The following SOCS5 variants were observed in gnomAD, a reference collection of about 807,000 sequenced individuals.
The protein encoded by SOCS5 is CIS-6.
Under a neutral mutation model 42.8 loss-of-function variants are expected in SOCS5, and 32 were observed. The observed-to-expected ratio is 0.75, with a 90% CI of 0.56 to 1.01. The LOEUF is 1.01. Among genes scored for constraint, SOCS5 ranks in the 50% least tolerant of loss-of-function variants. SOCS5 has a pLI of 0.00. For missense variants in SOCS5, 627 were observed against 653.0 expected (o/e 0.96, Z 0.43); for synonymous variants, 283 against 229.6 (o/e 1.23, Z -2.10).
At chr2:46,712,006 C>G (rs997372208) in intron 1 of SOCS5, among the ~76,000 whole-genome samples, 1 of 152,144 alleles carries the variant, frequency 6.6e-6, no homozygotes, top group South Asian at 2.1e-4. Flanking sequence ...GGTAATAGAA[C>G]TTCTCCAGTT....
chr2:46,760,266 C>G lies in SOCS5; in HGVS notation c.*125C>G. 1 of 673,014 alleles carries G rather than the reference C, an allele frequency of 1.5e-6. No homozygotes were observed. Among genetic ancestry groups the G allele is most frequent in the Non-Finnish European group, 2.6e-6 (1 of 387,186 alleles). The allele number at this position is 673,014 out of a possible 1,614,324, so 41.7% of individuals were successfully genotyped here. On this transcript the variant is annotated 3_prime_UTR_variant, in exon 2 of 2. Transcript: ENST00000394861. ...CAGTATGTAAGCTTAGTGTTAGTAT[C>G]TGTCAGATGCTACCTGCTGTTACTT...
At chr2:46,751,782 TAGTAC>T (rs1177499023) in intron 1 of SOCS5, among the ~76,000 whole-genome samples, 10 of 151,992 alleles carry the variant, frequency 6.6e-5, no homozygotes, top group African/African-American at 2.4e-4. Flanking sequence ...ATGTTTTATG[TAGTAC>T]ATCAGGGGTT....
chr2:46,742,116 TTTTAA>T (rs1227706708), intron 1 of SOCS5, among the ~76,000 whole-genome samples: 1 of 152,326 alleles, frequency 6.6e-6, no homozygotes, highest in African/African-American at 2.4e-5. Flanking sequence ...TTGTATCACA[TTTTAA>T]TTTGGATGTC....
chr2:46,724,862 G>A (rs182130149), intron 1 of SOCS5, among the ~76,000 whole-genome samples: 14 of 151,956 alleles, frequency 9.2e-5, no homozygotes, highest in African/African-American at 2.7e-4. Context: ...AGAATGTTTT[G>A]TAGATGTCAA....
chr2:46,728,635 G>A (rs937657652), intron 1 of SOCS5, among the ~76,000 whole-genome samples: 7 of 151,922 alleles, frequency 4.6e-5, no homozygotes, highest in Non-Finnish European at 8.8e-5. Context: ...CAGTCACTGC[G>A]ACCTCCACCT....
chr2:46,749,818 G>C (rs1673585894), intron 1 of SOCS5, among the ~76,000 whole-genome samples: 1 of 152,158 alleles, frequency 6.6e-6, no homozygotes, highest in Non-Finnish European at 1.5e-5. Context: ...GGAAGTTGGA[G>C]TCATGGATAG....
intron 1 of SOCS5, among the ~76,000 whole-genome samples, chr2:46,729,135 T>C (rs1673057960): frequency 6.6e-6 from 1 of 152,220 alleles, no homozygotes; most frequent in Non-Finnish European, 1.5e-5. Context: ...TTTAGTTTCT[T>C]AGCAAAACCT....
rs1020530762 is a variant in SOCS5, at chr2:46,761,789, CATAATT to C, written c.*1652_*1657del. 1.2e-5 allele frequency: 2 copies of C among 166,478 alleles called. No individual in the cohort carries two copies. Among genetic ancestry groups the C allele is most frequent in the African/African-American group, 2.4e-5 (1 of 41,434 alleles). 10.3% of individuals were successfully genotyped at this position (166,478 alleles called of 1,614,324 possible). A position where few individuals can be genotyped will look rare whatever the true frequency, so the allele number is the denominator to read the frequency against. ...ATTTAATGCTCTACATCTTATCAGT[CATAATT>C]ATATATACTGTGGAACAGTATCTGT... On this transcript the variant is annotated 3_prime_UTR_variant, in exon 2 of 2. Coordinates refer to ENST00000394861, the MANE Select transcript of SOCS5 (RefSeq NM_144949.3).
rs1435667877 is a variant in SOCS5, at chr2:46,757,911, T to G, written c.-12-608T>G. Among the ~76,000 whole-genome samples the G allele has an allele frequency of 2.6e-5, 4 of 152,298 alleles. No individual in the cohort carries two copies. In the East Asian group the frequency reaches 5.8e-4, roughly 22 times the overall value. On this transcript the variant is annotated intron_variant, in intron 1 of 1. Transcript: ENST00000394861. ...AAAGACACCTTTCCTAAATATTACA[T>G]TCTTTTTCTTTCTTTTCTACTCAAA...
chr2:46,701,293 G>C (rs914376591), intron 1 of SOCS5, among the ~76,000 whole-genome samples: 4 of 152,210 alleles, frequency 2.6e-5, no homozygotes, highest in Non-Finnish European at 5.9e-5. Flanking sequence ...GGAAAAGTAA[G>C]ACTCACTGGC....
intron 1 of SOCS5, among the ~76,000 whole-genome samples, chr2:46,739,968 T>A (rs1572842215): frequency 6.6e-6 from 1 of 152,272 alleles, no homozygotes; most frequent in Non-Finnish European, 1.5e-5. Flanking sequence ...CTCAGAGAAC[T>A]AAGGTATTAA....
At position 46,759,411 on chromosome 2, in the gene SOCS5, A is replaced by G. The variant is rs1673808056; in HGVS notation, c.881A>G (p.Asn294Ser). 7 of 1,613,990 alleles carry G rather than the reference A, an allele frequency of 4.3e-6. No homozygotes were observed. Among genetic ancestry groups the G allele is most frequent in the Non-Finnish European group, 4.2e-6 (5 of 1,179,860 alleles). Residue 294 changes from asparagine (N) to serine (S), a missense_variant, in exon 2 of 2, where the codon AAT becomes AGT. Around this residue, in one of 3 missense-constraint regions of SOCS5, gnomAD observed 340 missense variants for 367.6 expected, o/e 0.92. Coordinates refer to ENST00000394861, the MANE Select transcript of SOCS5 (RefSeq NM_144949.3). ...ACATTTGAAGCTACTGCACAGGTTA[A>G]TCCATTATATAAACTGGGACCAAAA... Reference protein sequence around the residue: ...IHTFEATAQVNPLYKLGPKLA... With the variant: ...IHTFEATAQVSPLYKLGPKLA...
At chr2:46,711,829 C>T (rs1443571190) in intron 1 of SOCS5, among the ~76,000 whole-genome samples, 1 of 152,124 alleles carries the variant, frequency 6.6e-6, no homozygotes, top group Admixed American at 6.5e-5. Flanking sequence ...GCTAATTGTT[C>T]CAACACAGTA....
intron 1 of SOCS5, among the ~76,000 whole-genome samples, chr2:46,740,952 CAT>C (rs1673360929): frequency 6.6e-6 from 1 of 152,126 alleles, no homozygotes; most frequent in Admixed American, 6.5e-5. Context: ...AGAAGAGACT[CAT>C]AAATGAGTTG....
chr2:46,710,651 T>C (rs1463732485), intron 1 of SOCS5, among the ~76,000 whole-genome samples: 2 of 152,170 alleles, frequency 1.3e-5, no homozygotes, highest in Non-Finnish European at 2.9e-5. Context: ...AACCTATAGC[T>C]AACATCATAT....
intron 1 of SOCS5, among the ~76,000 whole-genome samples, chr2:46,708,604 A>G (rs556704736): frequency 6.6e-6 from 1 of 152,318 alleles, no homozygotes; most frequent in African/African-American, 2.4e-5. Flanking sequence ...GTTTCATAAT[A>G]TTTACCTATT....
At chr2:46,731,371 G>A (rs1357475435) in intron 1 of SOCS5, among the ~76,000 whole-genome samples, 1 of 152,206 alleles carries the variant, frequency 6.6e-6, no homozygotes, top group African/African-American at 2.4e-5. Context: ...AAATCTGCCA[G>A]TGCTGTGATG....
chr2:46,748,702 TA>T (rs1673561911), intron 1 of SOCS5, among the ~76,000 whole-genome samples: 1 of 152,184 alleles, frequency 6.6e-6, no homozygotes, highest in Admixed American at 6.5e-5. Flanking sequence ...CAGTTTTAGA[TA>T]AAAAGTAAAA....
At chr2:46,717,334 T>C (rs927765793) in intron 1 of SOCS5, among the ~76,000 whole-genome samples, 3 of 152,124 alleles carry the variant, frequency 2.0e-5, no homozygotes, top group African/African-American at 7.2e-5. Flanking sequence ...TTTCCTTCTT[T>C]AGGGGATCAT....
Sources: gnomAD v4.1 joint callset for allele counts (sites outside exome capture counted in the v4.1 genomes callset) on GRCh38, gnomAD v4.1.1 for gene constraint, gnomAD v4.1.1 regional missense constraint, MANE v1.5 for transcripts, NCBI Gene and HGNC (gene_info 2026-07-23, HGNC 2026-07-21) for gene names.